The following KRT74 variants were observed in gnomAD, a reference collection of about 807,000 sequenced individuals.
The protein encoded by KRT74 is keratin 74.
A neutral mutation model predicts 42.7 loss-of-function variants in KRT74; 43 were observed. The ratio of observed to expected loss-of-function variants is 1.01; its 90% CI spans 0.79 to 1.30. The LOEUF (loss-of-function observed/expected upper bound fraction) is 1.30, where lower values mean the gene tolerates loss of function less well. Among genes scored for constraint, KRT74 ranks in the 50% most tolerant of loss-of-function variants. The pLI is 0.00. For synonymous variants in KRT74, 302 were observed against 279.0 expected, an observed-to-expected ratio of 1.08 and a Z score of -0.82; for missense variants, 736 against 689.1, an observed-to-expected ratio of 1.07 and a Z score of -0.76.
In KRT74 at chr12:52,567,287, C is replaced by T. The variant is rs965022419; in HGVS notation, c.1391-119G>A. The T allele has an allele frequency of 3.1e-5, 26 of 845,992 alleles. 1 individual carries two copies. Among genetic ancestry groups the T allele is most frequent in the Non-Finnish European group, 4.6e-5 (26 of 561,738 alleles). The allele number at this position is 845,992 out of a possible 1,614,324, so 52.4% of individuals were successfully genotyped here. A position where few individuals can be genotyped will look rare whatever the true frequency, so the allele number is the denominator to read the frequency against. On this transcript the variant is annotated intron_variant, in intron 8 of 8. Coordinates refer to ENST00000305620, the MANE Select transcript of KRT74 (RefSeq NM_175053.4). ...CAACACCTCATTTAATCCGCAGAAC[C>T]ACCCTCAGTAGTCAAGAAGCACTAC... is the stretch of plus-strand genomic sequence containing the variant.
At chr12:52,569,084 G>A (rs73107548) in intron 6 of KRT74, among the ~76,000 whole-genome samples, 6,678 of 152,282 alleles carry the variant, frequency 0.044, 186 homozygotes, top group East Asian at 0.086. Flanking sequence ...AGCATGGAGG[G>A]TTGTGGGGGC....
Position 52,568,295 on chromosome 12 carries a change from G to A in KRT74, c.1229C>T (p.Ala410Val), listed in dbSNP as rs1939416451. The A allele has an allele frequency of 6.2e-7, 1 of 1,614,172 alleles. No homozygotes were observed. The highest frequency in any genetic ancestry group is 2.2e-5 in the East Asian group (1 of 44,880). Reference protein sequence around the residue: ...AQAKLDELEGALHQAKEELAR... With the variant: ...AQAKLDELEGVLHQAKEELAR... Reference sequence around the variant, plus strand: ...CAGCTCCTCCTTGGCCTGGTGCAGGGCGCCCTCCAGCTCATCCAGCTTGGC... The same window carrying A: ...CAGCTCCTCCTTGGCCTGGTGCAGGACGCCCTCCAGCTCATCCAGCTTGGC... The change falls in exon 7 of 9, where the codon GCC (alanine) becomes GTC (valine). Residue 410 changes from alanine to valine, a missense_variant. Ala to Val is a moderately conservative substitution (Grantham distance 64). Coordinates refer to ENST00000305620, the MANE Select transcript of KRT74 (RefSeq NM_175053.4).
chr12:52,571,582 T>C, intron 3 of KRT74, 128 bp from the exon 4 acceptor site: 3 of 738,272 alleles, frequency 4.1e-6, no homozygotes, highest in Non-Finnish European at 2.4e-6. Context: ...TCAATATCAA[T>C]TTCTTCTCAG....
Position 52,571,981 on chromosome 12 carries a change from C to G in KRT74, c.710G>C (p.Arg237Pro). ...KKRYEVEINR[R>P]TTAENEFVVL... Reference sequence around the variant, plus strand: ...CACAAACTCATTCTCTGCTGTCGTGCGCCGGTTAATCTCCACTTCATATCT... The same window carrying G: ...CACAAACTCATTCTCTGCTGTCGTGGGCCGGTTAATCTCCACTTCATATCT... The change falls in exon 3 of 9, where the codon CGC becomes CCC. Residue 237 changes from arginine (R) to proline (P), a missense_variant. Transcript: ENST00000305620. 1 of 1,598,456 alleles carries G rather than the reference C, an allele frequency of 6.3e-7. No homozygotes were observed. The highest frequency in any genetic ancestry group is 8.6e-7 in the Non-Finnish European group (1 of 1,166,004).
chr12:52,572,501 T>A lies in KRT74; in HGVS notation c.638A>T (p.Asp213Val), dbSNP rs753688411. 6.2e-7 allele frequency: 1 copy of A among 1,614,018 alleles called. No homozygotes were observed. Among genetic ancestry groups the A allele is most frequent in the African/African-American group, 1.3e-5 (1 of 74,902 alleles). Reference sequence around the variant, plus strand: ...ATCCCTCATGCTTCTCAGCTCCGAGTCCAGCCTCACCCTGTCCCCAGACAG... The same window carrying A: ...ATCCCTCATGCTTCTCAGCTCCGAGACCAGCCTCACCCTGTCCCCAGACAG... ...ETLSGDRVRL[D>V]SELRSMRDLV... Residue 213 changes from aspartate (D) to valine (V), a missense_variant, in exon 2 of 9, where the codon GAC becomes GTC. By Grantham distance (152) the Asp-to-Val change is radical. Coordinates refer to ENST00000305620, the MANE Select transcript of KRT74 (RefSeq NM_175053.4).
chr12:52,570,064 C>A (rs1237375512), intron 5 of KRT74, 80 bp from the exon 6 acceptor site: 15 of 1,517,228 alleles, frequency 9.9e-6, no homozygotes, highest in Admixed American at 1.7e-5. Flanking sequence ...CCCCTGCCAC[C>A]CTGGCTGTCG....
chr12:52,571,615 G>A (rs1939484253), intron 3 of KRT74, among the ~76,000 whole-genome samples, 161 bp from the exon 4 acceptor site: 1 of 152,206 alleles, frequency 6.6e-6, no homozygotes, highest in East Asian at 1.9e-4. Flanking sequence ...TTTGGGAATA[G>A]GGAAAGGAGG....
chr12:52,571,382 A>G lies in KRT74; in HGVS notation c.820T>C (p.Phe274Leu), dbSNP rs752138588. 6 of 1,611,688 alleles carry G rather than the reference A, an allele frequency of 3.7e-6. No homozygotes were observed. In the South Asian group the frequency reaches 5.5e-5, roughly 15 times the overall value. Reference sequence around the variant, plus strand: ...ACTGCATCATACAGACACTTGAGGAACTTGATTTCTTTGTCCAGTGAGTCC... The same window carrying G: ...ACTGCATCATACAGACACTTGAGGAGCTTGATTTCTTTGTCCAGTGAGTCC... ...KVDSLDKEIK[F>L]LKCLYDAEIA... The change falls in exon 4 of 9, where the codon TTC (phenylalanine) becomes CTC (leucine). Residue 274 changes from phenylalanine (F) to leucine (L), a missense_variant. Physicochemically the swap from Phe to Leu is conservative, Grantham distance 22 (BLOSUM62 0). Transcript: ENST00000305620.
chr12:52,571,984 C>G lies in KRT74; in HGVS notation c.707G>C (p.Arg236Pro), dbSNP rs143284700. The change falls in exon 3 of 9, where the codon CGG becomes CCG. Residue 236 changes from arginine to proline, a missense_variant. Transcript: ENST00000305620. ...YKKRYEVEIN[R>P]RTTAENEFVV... ...AAACTCATTCTCTGCTGTCGTGCGC[C>G]GGTTAATCTCCACTTCATATCTGCC... 1 of 1,598,674 alleles carries G rather than the reference C, an allele frequency of 6.3e-7. No individual in the cohort carries two copies. The highest frequency in any genetic ancestry group is 1.7e-5 in the Admixed American group (1 of 59,990).
intron 7 of KRT74, among the ~76,000 whole-genome samples, chr12:52,567,964 C>T (rs571469758): frequency 5.9e-5 from 9 of 152,126 alleles, no homozygotes; most frequent in East Asian, 1.9e-4. Context: ...TCTGAGCCCC[C>T]GGTTCTCATC....
intron 6 of KRT74, 196 bp downstream of exon 6, chr12:52,569,663 G>C: frequency 1.5e-6 from 1 of 667,022 alleles, no homozygotes; most frequent in Non-Finnish European, 2.6e-6. Flanking sequence ...TAGGTTTGAG[G>C]CTCCTCCCAG....
chr12:52,566,800 A>T lies in KRT74; in HGVS notation c.*169T>A. On this transcript the variant is annotated 3_prime_UTR_variant, in exon 9 of 9. Transcript: ENST00000305620. The stretch of plus-strand genomic sequence containing the variant: ...GGGACCTAAGGAAACAGGGAAGGTG[A>T]CTGTGTCAATCAGAGCTTGAAAGTA... 1 of 538,650 alleles carries T rather than the reference A, an allele frequency of 1.9e-6. No individual in the cohort carries two copies. The highest frequency in any genetic ancestry group is 3.3e-6 in the Non-Finnish European group (1 of 304,774). The allele number at this position is 538,650 out of a possible 1,614,324, so 33.4% of individuals were successfully genotyped here. A position where few individuals can be genotyped will look rare whatever the true frequency, so the allele number is the denominator to read the frequency against.
chr12:52,572,481 T>C lies in KRT74; in HGVS notation c.658A>G (p.Arg220Gly), dbSNP rs376981900. The change falls in exon 2 of 9, where the codon AGG becomes GGG. Residue 220 changes from arginine to glycine, a missense_variant. By Grantham distance (125) the Arg-to-Gly change is moderately radical. Coordinates refer to ENST00000305620, the MANE Select transcript of KRT74 (RefSeq NM_175053.4). ...VRLDSELRSMRDLVEDYKKRY... is the reference protein window; with the variant it reads ...VRLDSELRSMGDLVEDYKKRY... Reference sequence around the variant, plus strand: ...TTCTTATAGTCCTCCACCAGATCCCTCATGCTTCTCAGCTCCGAGTCCAGC... The same window carrying C: ...TTCTTATAGTCCTCCACCAGATCCCCCATGCTTCTCAGCTCCGAGTCCAGC... 41 of 1,614,032 alleles carry C rather than the reference T, an allele frequency of 2.5e-5. No homozygotes were observed. The highest frequency in any genetic ancestry group is 3.3e-5 in the Non-Finnish European group (39 of 1,180,018).
chr12:52,570,776 T>C lies in KRT74; in HGVS notation c.901A>G (p.Asn301Asp), dbSNP rs779066959. 9.9e-6 allele frequency: 16 copies of C among 1,614,258 alleles called. 1 individual carries two copies. In the South Asian group the frequency reaches 1.6e-4, roughly 17 times the overall value. The change falls in exon 5 of 9, where the codon AAC becomes GAC. Residue 301 changes from asparagine to aspartate, a missense_variant. Asn to Asp is a conservative substitution (Grantham distance 23, BLOSUM62 1). Transcript: ENST00000305620. ...CTGTCAAGGTCCAGGTCCCGGTTGT[T>C]GTCCATGGACAGGATGACAGAGGTC... ...SETSVILSMD[N>D]NRDLDLDSII...
rs1939532081 is a variant in KRT74, at chr12:52,573,729, T to G, written c.49A>C (p.Ser17Arg). The G allele has an allele frequency of 6.2e-7, 1 of 1,613,910 alleles. No individual in the cohort carries two copies. The highest frequency in any genetic ancestry group is 1.3e-5 in the African/African-American group (1 of 74,938). The change falls in exon 1 of 9, where the codon AGT (serine) becomes CGT (arginine). Residue 17 changes from serine (S) to arginine (R), a missense_variant. By Grantham distance (110) the Ser-to-Arg change is moderately radical. Coordinates refer to ENST00000305620, the MANE Select transcript of KRT74 (RefSeq NM_175053.4). ...IKSSGDKGNF[S>R]VHSAVVPRKA... ...CTTGGCACCACTGCCGAATGCACACTGAAGTTGCCCTTGTCACCACTGGAC... is the reference window on the plus strand; with the variant it reads ...CTTGGCACCACTGCCGAATGCACACGGAAGTTGCCCTTGTCACCACTGGAC...
Position 52,573,520 on chromosome 12 carries a change from G to T in KRT74, c.258C>A (p.Ala86=). Residue 86 remains alanine, a synonymous_variant, in exon 1 of 9, where the codon GCC becomes GCA. Coordinates refer to ENST00000305620, the MANE Select transcript of KRT74 (RefSeq NM_175053.4). The part of the protein sequence containing the change: ...RPGSGYGGGR[A]SGFAGSMFGS... ...CAAACATACTGCCAGCAAAGCCACT[G>T]GCCCGGCCCCCTCCATACCCAGAGC... 1 of 1,614,100 alleles carries T rather than the reference G, an allele frequency of 6.2e-7. No individual in the cohort carries two copies. Among genetic ancestry groups the T allele is most frequent in the Non-Finnish European group, 8.5e-7 (1 of 1,180,028 alleles).
At chr12:52,568,480 G>A in intron 6 of KRT74, 91 bp from the exon 7 acceptor site, 1 of 1,368,188 alleles carries the variant, frequency 7.3e-7, no homozygotes, top group African/African-American at 1.4e-5. Context: ...TTTTGCAGAT[G>A]GGGCCCTAGG....
rs760735375 is a variant in KRT74, at chr12:52,569,888, G to A, written c.1105C>T (p.Arg369Trp). The A allele has an allele frequency of 2.7e-5, 43 of 1,614,064 alleles. No homozygotes were observed. The highest frequency in any genetic ancestry group is 1.6e-4 in the Middle Eastern group (1 of 6,084). ...TTCTTCACATTCCCGATCTCACACC[G>A]GATCCTCTGGATGAGCCGGTTCAGC... ...VELNRLIQRIRCEIGNVKKQR... is the reference protein window; with the variant it reads ...VELNRLIQRIWCEIGNVKKQR... The change falls in exon 6 of 9, where the codon CGG becomes TGG. Residue 369 changes from arginine to tryptophan, a missense_variant. Arg to Trp is a moderately radical substitution (Grantham distance 101). Transcript: ENST00000305620.
chr12:52,571,965 A>G lies in KRT74; in HGVS notation c.726T>C (p.Asn242=), dbSNP rs768983797. Residue 242 remains asparagine, a synonymous_variant, in exon 3 of 9, where the codon AAT becomes AAC. Coordinates refer to ENST00000305620, the MANE Select transcript of KRT74 (RefSeq NM_175053.4). ...VEINRRTTAE[N]EFVVLKKDAD... ...TTACCTTCTTAAGCACCACAAACTCATTCTCTGCTGTCGTGCGCCGGTTAA... is the reference window on the plus strand; with the variant it reads ...TTACCTTCTTAAGCACCACAAACTCGTTCTCTGCTGTCGTGCGCCGGTTAA... 1.3e-6 allele frequency: 2 copies of G among 1,595,000 alleles called. No homozygotes were observed. The highest frequency in any genetic ancestry group is 2.7e-5 in the African/African-American group (2 of 74,272).
Sources: allele counts gnomAD v4.1 joint callset (sites outside exome capture counted in the v4.1 genomes callset), GRCh38; gene constraint gnomAD v4.1.1; transcripts MANE v1.5; gene names NCBI Gene and HGNC (gene_info 2026-07-23, HGNC 2026-07-21).